SLIT3: variants seen among roughly 807,000 people sequenced by gnomAD.
SLIT3 encodes the protein slit homolog 3 protein.
In SLIT3, 68 loss-of-function variants were observed where a neutral mutation model predicts 184.0. The ratio of observed to expected loss-of-function variants is 0.37; its 90% CI spans 0.30 to 0.45. The LOEUF (loss-of-function observed/expected upper bound fraction) is 0.45. SLIT3 is among the 20% of genes least tolerant of loss of function. The pLI is 1.00. For synonymous variants in SLIT3, 831 were observed against 828.6 expected (o/e 1.00, Z -0.05); for missense variants, 1,707 against 2,026.0 (o/e 0.84, Z 3.02).
In SLIT3 at chr5:168,697,361, G is replaced by T. The variant is rs114969623; in HGVS notation, c.2943-930C>A. ...ACTGCCTGCATCTCTGCCTGATCTT[G>T]GTCATATCCCCAGGACTGGGCGTGC... On this transcript the variant is annotated intron_variant, in intron 27 of 35. Transcript: ENST00000519560. 6.9e-3 allele frequency among the ~76,000 whole-genome samples: 1,044 copies of T among 152,274 alleles called. 8 individuals carry two copies. The highest frequency in any genetic ancestry group is 0.011 in the Non-Finnish European group (764 of 68,026).
intron 4 of SLIT3, among the ~76,000 whole-genome samples, chr5:169,000,132 G>A (rs1007974355): frequency 6.6e-6 from 1 of 152,094 alleles, no homozygotes; most frequent in Non-Finnish European, 1.5e-5. Context: ...CGGGTGCGGT[G>A]GCTGTAATCC....
intron 4 of SLIT3, among the ~76,000 whole-genome samples, chr5:168,951,826 G>A (rs1251827119): frequency 6.6e-6 from 1 of 152,172 alleles, no homozygotes; most frequent in Non-Finnish European, 1.5e-5. Flanking sequence ...GTCTCATGAA[G>A]AGAGACCTCT....
intron 4 of SLIT3, among the ~76,000 whole-genome samples, chr5:169,085,649 T>A (rs1185639767): frequency 6.6e-6 from 1 of 152,176 alleles, no homozygotes; most frequent in African/African-American, 2.4e-5. Flanking sequence ...CTGTTTGGTG[T>A]CAATACCCAA....
chr5:169,159,728 A>T lies in SLIT3; in HGVS notation c.413+33751T>A, dbSNP rs1762419325. ...GAGGCAGAGCTTGCAGTGAGCCCAG[A>T]TTGCACCACTGCACTCCAGCCTGGG... On this transcript the variant is annotated intron_variant, in intron 4 of 35. Transcript: ENST00000519560. 2.6e-5 allele frequency among the ~76,000 whole-genome samples: 4 copies of T among 152,286 alleles called. 1 individual carries two copies. The South Asian group carries it at 8.3e-4, about 32-fold the overall frequency.
intron 12 of SLIT3, among the ~76,000 whole-genome samples, chr5:168,777,738 G>C (rs980053447): frequency 5.9e-5 from 9 of 152,176 alleles, no homozygotes; most frequent in African/African-American, 2.2e-4. Flanking sequence ...TGTAGGTGCA[G>C]GGAGAGATAA....
At chr5:168,795,008 G>A (rs970435449) in intron 10 of SLIT3, among the ~76,000 whole-genome samples, 1 of 152,168 alleles carries the variant, frequency 6.6e-6, no homozygotes. Context: ...TGCAAGCTCC[G>A]TGAGAGCAGA....
intron 3 of SLIT3, among the ~76,000 whole-genome samples, chr5:169,200,738 A>G (rs1045923973): frequency 3.3e-5 from 5 of 152,230 alleles, no homozygotes; most frequent in Admixed American, 6.5e-5. Context: ...TGTTTACTGT[A>G]GTCACTGAAG....
chr5:168,759,901 C>T (rs1755083303), intron 16 of SLIT3, among the ~76,000 whole-genome samples: 1 of 152,136 alleles, frequency 6.6e-6, no homozygotes, highest in East Asian at 1.9e-4. Flanking sequence ...GGCAGAGGGG[C>T]CAAAGAGTGC....
chr5:169,185,607 T>C (rs1314746964), intron 4 of SLIT3, among the ~76,000 whole-genome samples: 1 of 152,212 alleles, frequency 6.6e-6, no homozygotes, highest in East Asian at 1.9e-4. Flanking sequence ...TGCAGAGTTT[T>C]ATAGGGACAC....
chr5:169,145,657 G>A (rs1761901085), intron 4 of SLIT3, among the ~76,000 whole-genome samples: 1 of 152,198 alleles, frequency 6.6e-6, no homozygotes, highest in African/African-American at 2.4e-5. Flanking sequence ...ACTCATACAT[G>A]CAGAGTAATA....
intron 3 of SLIT3, among the ~76,000 whole-genome samples, chr5:169,217,130 T>TAA (rs55757348): frequency 4.6e-4 from 58 of 126,930 alleles, no homozygotes; most frequent in African/African-American, 1.6e-3. Context: ...TTGAGTAGGT[T>TAA]AAAAAAAAAA....
intron 20 of SLIT3, among the ~76,000 whole-genome samples, chr5:168,733,167 A>AT (rs1035823878): frequency 6.6e-6 from 1 of 152,168 alleles, no homozygotes; most frequent in African/African-American, 2.4e-5. Context: ...CAGACATACA[A>AT]TTGGTCAAAC....
intron 1 of SLIT3, among the ~76,000 whole-genome samples, chr5:169,272,462 T>C (rs1017116676): frequency 2.0e-5 from 3 of 152,210 alleles, no homozygotes; most frequent in Non-Finnish European, 4.4e-5. Flanking sequence ...TTCATAATTA[T>C]GAAATGTTTT....
chr5:169,027,401 A>C (rs963167472), intron 4 of SLIT3, among the ~76,000 whole-genome samples: 3 of 152,190 alleles, frequency 2.0e-5, no homozygotes, highest in Non-Finnish European at 4.4e-5. Flanking sequence ...TGTTTAAACA[A>C]GTATTTAAAT....
chr5:168,835,607 G>T (rs1280798369), intron 6 of SLIT3, among the ~76,000 whole-genome samples: 1 of 151,896 alleles, frequency 6.6e-6, no homozygotes, highest in Non-Finnish European at 1.5e-5. Context: ...TCAGGAGTTC[G>T]AGACCAGACT....
At chr5:169,219,300 C>T (rs1366546882) in intron 3 of SLIT3, among the ~76,000 whole-genome samples, 1 of 152,252 alleles carries the variant, frequency 6.6e-6, no homozygotes, top group Non-Finnish European at 1.5e-5. Context: ...TCCTCGAATG[C>T]ATTCTGCCAG....
intron 32 of SLIT3, among the ~76,000 whole-genome samples, chr5:168,673,714 C>T (rs1376462298): frequency 6.6e-6 from 1 of 152,206 alleles, no homozygotes; most frequent in African/African-American, 2.4e-5. Context: ...AACATGGATA[C>T]CACACTGTTA....
intron 4 of SLIT3, among the ~76,000 whole-genome samples, chr5:168,911,856 A>C (rs1261489546): frequency 6.6e-6 from 1 of 152,168 alleles, no homozygotes; most frequent in African/African-American, 2.4e-5. Context: ...ATGTTTTAAA[A>C]CTGCATGAAA....
intron 4 of SLIT3, among the ~76,000 whole-genome samples, chr5:169,116,634 A>AT (rs1206676193): frequency 1.3e-5 from 2 of 152,236 alleles, no homozygotes; most frequent in African/African-American, 4.8e-5. Context: ...TGATAAGATG[A>AT]TAGTCCATGC....
Sources: gnomAD v4.1 joint callset for allele counts (sites outside exome capture counted in the v4.1 genomes callset) on GRCh38, gnomAD v4.1.1 for gene constraint, MANE v1.5 for transcripts, NCBI Gene and HGNC (gene_info 2026-07-23, HGNC 2026-07-21) for gene names.